KIF5A: variants seen among roughly 807,000 people sequenced by gnomAD.
KIF5A encodes the protein kinesin heavy chain isoform 5A.
Under a neutral mutation model 141.3 loss-of-function variants are expected in KIF5A, and 35 were observed. The ratio of observed to expected loss-of-function variants is 0.25; its 90% CI spans 0.19 to 0.33. KIF5A has a LOEUF of 0.33. Ranked by LOEUF, KIF5A falls within the 10% of genes least tolerant of loss-of-function variation. KIF5A has a pLI of 1.00. For missense variants in KIF5A, 861 were observed against 1,314.3 expected (o/e 0.66, Z 5.33); for synonymous variants, 448 against 500.2 (o/e 0.90, Z 1.39).
chr12:57,570,029 C>T lies in KIF5A; in HGVS notation c.1160C>T (p.Ala387Val), dbSNP rs2140163615. Residue 387 changes from alanine (A) to valine (V), a missense_variant, in exon 12 of 29, where the codon GCA (alanine) becomes GTA (valine). By Grantham distance (64) the Ala-to-Val change is moderately conservative (BLOSUM62 0). Coordinates refer to ENST00000455537, the MANE Select transcript of KIF5A (RefSeq NM_004984.4). ...ACAGAGCGCCTGGCTGGGGAGGAGG[C>T]AGCCCTGGGAGCCGAGCTCTGTGAG... The part of the protein sequence containing the change: ...PETERLAGEE[A>V]ALGAELCEET... The T allele has an allele frequency of 1.2e-6, 2 of 1,613,744 alleles. No individual in the cohort carries two copies. Among genetic ancestry groups the T allele is most frequent in the South Asian group, 1.1e-5 (1 of 91,078 alleles).
intron 15 of KIF5A, 130 bp from the exon 16 acceptor site, chr12:57,574,954 C>T (rs995444505): frequency 5.1e-6 from 4 of 788,228 alleles, no homozygotes; most frequent in African/African-American, 1.7e-5. Context: ...TGCTAAAGGT[C>T]GTTTGGAAAA....
chr12:57,569,838 G>T, intron 11 of KIF5A, 149 bp from the exon 12 acceptor site: 1 of 1,379,314 alleles, frequency 7.2e-7, no homozygotes. Context: ...TGGGGGAAGG[G>T]AGGGGCCTGA....
chr12:57,559,402 T>C (rs1881843128), intron 1 of KIF5A, among the ~76,000 whole-genome samples: 1 of 152,206 alleles, frequency 6.6e-6, no homozygotes, highest in Non-Finnish European at 1.5e-5. Context: ...GCCACTTTCA[T>C]AGGTAAAAAT....
At chr12:57,577,532 G>C (rs570641989) in intron 20 of KIF5A, among the ~76,000 whole-genome samples, 181 bp from the exon 21 acceptor site, 1 of 152,236 alleles carries the variant, frequency 6.6e-6, no homozygotes, top group South Asian at 2.1e-4. Context: ...GGAGGTTGAG[G>C]CTGCAGTGAG....
Position 57,576,881 on chromosome 12 carries a change from C to T in KIF5A, c.2300+19C>T. ...AGCTGACGTGAGTGGCATGGATTTA[C>T]CTGTAAAACTACAGCCTTGTAGGCT... On this transcript the variant is annotated intron_variant, in intron 20 of 28. Transcript: ENST00000455537. 6.3e-7 allele frequency: 1 copy of T among 1,576,018 alleles called. No homozygotes were observed. Among genetic ancestry groups the T allele is most frequent in the South Asian group, 1.1e-5 (1 of 90,198 alleles).
chr12:57,550,160 C>A lies in KIF5A; in HGVS notation c.-112C>A, dbSNP rs1413343979. The stretch of plus-strand genomic sequence containing the variant: ...GCCCGGGCGCCCTCAACTCTGTCCC[C>A]AGAGACTGAGCACCTGTCCTCCGCC... On this transcript the variant is annotated 5_prime_UTR_variant, in exon 1 of 29. Transcript: ENST00000455537. This position sits in a 1 kb window ranked among gnomAD's most constrained non-coding sequence, Gnocchi z 4.6. 4.7e-6 allele frequency: 7 copies of A among 1,493,216 alleles called. No individual in the cohort carries two copies. The highest frequency in any genetic ancestry group is 5.5e-6 in the Non-Finnish European group (6 of 1,081,688). The allele number at this position is 1,493,216 out of a possible 1,614,324, so 92.5% of individuals were successfully genotyped here.
chr12:57,578,488 A>G (rs1882498076), intron 23 of KIF5A, 146 bp downstream of exon 23: 2 of 691,376 alleles, frequency 2.9e-6, no homozygotes, highest in East Asian at 2.7e-5. Context: ...TCCCTTCTTT[A>G]TACCATATTT....
chr12:57,559,954 C>T (rs759018076), intron 1 of KIF5A, among the ~76,000 whole-genome samples: 19 of 152,148 alleles, frequency 1.2e-4, no homozygotes, highest in African/African-American at 3.4e-4. Flanking sequence ...TGCGGTGGCG[C>T]GATCTCGGCT....
In KIF5A at chr12:57,581,463, C is replaced by T. The variant is rs1272664645; in HGVS notation, c.2804C>T (p.Pro935Leu). The change falls in exon 25 of 29, where the codon CCC (proline) becomes CTC (leucine). Residue 935 changes from proline (P) to leucine (L), a missense_variant. By Grantham distance (98) the Pro-to-Leu change is moderately conservative. Transcript: ENST00000455537. ...TACCCAGCATCCTCACCCACCAACC[C>T]CTATGGCACCCGGAGCCCTGAGTGC... ...GHYPASSPTN[P>L]YGTRSPECIS... 4.3e-6 allele frequency: 7 copies of T among 1,614,078 alleles called. No individual in the cohort carries two copies. Among genetic ancestry groups the T allele is most frequent in the Non-Finnish European group, 4.2e-6 (5 of 1,180,032 alleles).
intron 23 of KIF5A, 35 bp downstream of exon 23, chr12:57,578,377 G>A: frequency 6.9e-7 from 1 of 1,456,266 alleles, no homozygotes; most frequent in Non-Finnish European, 9.7e-7. Context: ...GAGAATTTTT[G>A]AGGCCGGGTA....
Position 57,556,918 on chromosome 12 carries a change from C to T in KIF5A, c.129+6518C>T, listed in dbSNP as rs114099958. 5.3e-3 allele frequency among the ~76,000 whole-genome samples: 812 copies of T among 152,212 alleles called. 8 individuals carry two copies. The highest frequency in any genetic ancestry group is 0.019 in the African/African-American group (777 of 41,500). ...GGGTGGATCTGCCTTTCCCAGTCCA[C>T]TGACTCATATGTTAATATCCTTTGG... On this transcript the variant is annotated intron_variant, in intron 1 of 28. Coordinates refer to ENST00000455537, the MANE Select transcript of KIF5A (RefSeq NM_004984.4).
At chr12:57,575,567 G>C (rs968483130) in intron 16 of KIF5A, 73 bp from the exon 17 acceptor site, 1 of 1,257,044 alleles carries the variant, frequency 8.0e-7, no homozygotes, top group Non-Finnish European at 1.2e-6. Context: ...GAGAGCTGGA[G>C]TTGGAGATCT....
chr12:57,581,581 A>C lies in KIF5A; in HGVS notation c.2909+13A>C. The C allele has an allele frequency of 6.2e-7, 1 of 1,613,740 alleles. No homozygotes were observed. Among genetic ancestry groups the C allele is most frequent in the Non-Finnish European group, 8.5e-7 (1 of 1,180,000 alleles). On this transcript the variant is annotated intron_variant, in intron 25 of 28. Transcript: ENST00000455537. ...CCTCAGATATGTAGTGAGTGACCACACGTGTGGGTTGGAGTCCCACCCAAA... is the reference window on the plus strand; with the variant it reads ...CCTCAGATATGTAGTGAGTGACCACCCGTGTGGGTTGGAGTCCCACCCAAA...
intron 19 of KIF5A, 22 bp from the exon 20 acceptor site, chr12:57,576,739 A>G (rs1265536275): frequency 1.9e-6 from 3 of 1,573,412 alleles, no homozygotes; most frequent in Non-Finnish European, 1.7e-6. Context: ...CCCCATCTCC[A>G]TTACCTTCTG....
At chr12:57,571,209 G>A in intron 12 of KIF5A, 112 bp from the exon 13 acceptor site, 1 of 753,804 alleles carries the variant, frequency 1.3e-6, no homozygotes, top group Non-Finnish European at 2.4e-6. Context: ...CTAACTCAAA[G>A]CTTATACTAT....
In KIF5A at chr12:57,564,453, T is replaced by C; in HGVS notation, c.397-7T>C. The C allele has an allele frequency of 6.2e-7, 1 of 1,608,098 alleles. No individual in the cohort carries two copies. Among genetic ancestry groups the C allele is most frequent in the Non-Finnish European group, 8.5e-7 (1 of 1,174,680 alleles). ...TTACTTCACACTCCTTCTTTCTTCTTAACCAGGTTTCTTACTTTGAAATTT... is the reference window on the plus strand; with the variant it reads ...TTACTTCACACTCCTTCTTTCTTCTCAACCAGGTTTCTTACTTTGAAATTT... On this transcript the variant is annotated splice_region_variant and splice_polypyrimidine_tract_variant and intron_variant, in intron 4 of 28. Coordinates refer to ENST00000455537, the MANE Select transcript of KIF5A (RefSeq NM_004984.4).
rs1465463508 is a variant in KIF5A, at chr12:57,576,128, A to G, written c.2065A>G (p.Thr689Ala). Residue 689 changes from threonine (T) to alanine (A), a missense_variant, in exon 18 of 29, where the codon ACT (threonine) becomes GCT (alanine). Thr to Ala is a moderately conservative substitution (Grantham distance 58). Coordinates refer to ENST00000455537, the MANE Select transcript of KIF5A (RefSeq NM_004984.4). ...GGCCCTGAAGGACAAGGAGCCTGAC[A>G]CTCAGGATGCAGATGAAGTGAAGGT... ...EVALKDKEPD[T>A]QDADEVKKAL... 6.8e-6 allele frequency: 11 copies of G among 1,614,160 alleles called. No individual in the cohort carries two copies. The South Asian group carries it at 9.9e-5, about 14-fold the overall frequency.
chr12:57,551,203 A>C (rs1264289339), intron 1 of KIF5A, among the ~76,000 whole-genome samples: 1 of 152,138 alleles, frequency 6.6e-6, no homozygotes, highest in East Asian at 1.9e-4. Context: ...AGCCCTACCC[A>C]AGGAGGATAT....
At chr12:57,579,751 C>T (rs568882476) in intron 23 of KIF5A, among the ~76,000 whole-genome samples, 1 of 152,316 alleles carries the variant, frequency 6.6e-6, no homozygotes, top group South Asian at 2.1e-4. Context: ...AGAACACACA[C>T]ACACATGTGT....
Sources: allele counts gnomAD v4.1 joint callset (sites outside exome capture counted in the v4.1 genomes callset), GRCh38; gene constraint gnomAD v4.1.1; non-coding constraint Gnocchi (gnomAD v3.1); transcripts MANE v1.5; gene names NCBI Gene and HGNC (gene_info 2026-07-23, HGNC 2026-07-21).